Variants in TFDP2 observed in about 807,000 individuals in gnomAD.
TFDP2 encodes transcription factor Dp-2 (E2F dimerization partner 2).
A neutral mutation model predicts 59.3 loss-of-function variants in TFDP2; 17 were observed. That is an observed-to-expected ratio of 0.29 (90% CI 0.20 to 0.43). The LOEUF (loss-of-function observed/expected upper bound fraction) is 0.43, where lower values mean the gene tolerates loss of function less well. Among genes scored for constraint, TFDP2 ranks in the 20% least tolerant of loss-of-function variants. The pLI is 1.00. For missense variants in TFDP2, 391 were observed against 528.8 expected (o/e 0.74, Z 2.56); for synonymous variants, 180 against 194.7 (o/e 0.92, Z 0.63).
At chr3:142,040,429 ATTT>A in intron 3 of TFDP2, among the ~76,000 whole-genome samples, 2 of 146,094 alleles carry the variant, frequency 1.4e-5, no homozygotes, top group East Asian at 4.0e-4. Context: ...ATCTCTACAA[ATTT>A]TTTTTTTTTT....
intron 9 of TFDP2, among the ~76,000 whole-genome samples, chr3:141,968,668 CAT>C (rs1162966426): frequency 7.8e-5 from 8 of 103,198 alleles, no homozygotes; most frequent in East Asian, 5.4e-4. Flanking sequence ...ATATATAACA[CAT>C]ATATATCTCA....
chr3:141,968,419 A>G (rs1279336692), intron 9 of TFDP2, among the ~76,000 whole-genome samples: 9 of 108,570 alleles, frequency 8.3e-5, no homozygotes, highest in Non-Finnish European at 1.4e-4. Context: ...TATAACATAT[A>G]TATCTCATAT....
intron 6 of TFDP2, among the ~76,000 whole-genome samples, chr3:141,991,285 T>C (rs1482932447): frequency 2.0e-5 from 3 of 152,222 alleles, no homozygotes; most frequent in Middle Eastern, 3.2e-3. Context: ...AAATGTATAG[T>C]ATTGTATCTC....
At chr3:141,987,833 G>A (rs942597875) in intron 6 of TFDP2, among the ~76,000 whole-genome samples, 15 of 150,764 alleles carry the variant, frequency 9.9e-5, no homozygotes, top group African/African-American at 3.4e-4. Flanking sequence ...CAGCTACTCC[G>A]AAGGCTGAGG....
intron 1 of TFDP2, among the ~76,000 whole-genome samples, chr3:142,115,228 G>A (rs958478719): frequency 9.9e-5 from 15 of 151,466 alleles, no homozygotes; most frequent in African/African-American, 2.7e-4. Flanking sequence ...GAAAATCTCC[G>A]CATCTGAACA....
intron 1 of TFDP2, among the ~76,000 whole-genome samples, chr3:142,122,538 C>T (rs2062085493): frequency 6.6e-6 from 1 of 152,150 alleles, no homozygotes; most frequent in South Asian, 2.1e-4. Flanking sequence ...CAAGTGAAGG[C>T]AGCAGGATTG....
At chr3:142,042,579 T>G (rs977574018) in intron 3 of TFDP2, among the ~76,000 whole-genome samples, 3 of 151,648 alleles carry the variant, frequency 2.0e-5, no homozygotes, top group African/African-American at 7.3e-5. Flanking sequence ...ATTACAGGTG[T>G]GAGCCACTGT....
At chr3:141,970,182 A>T (rs748240224) in intron 8 of TFDP2, 41 bp from the exon 9 acceptor site, 2 of 1,579,334 alleles carry the variant, frequency 1.3e-6, no homozygotes, top group Non-Finnish European at 1.7e-6. Context: ...ACATAGGTAG[A>T]CTATAAAATA....
intron 3 of TFDP2, chr3:142,054,240 A>C (rs1374394038): frequency 6.6e-6 from 1 of 152,238 alleles, no homozygotes; most frequent in Non-Finnish European, 1.5e-5. Flanking sequence ...GTGAAACAAC[A>C]AAAATGTTCA....
chr3:141,968,309 A>G (rs1938495616), intron 9 of TFDP2, among the ~76,000 whole-genome samples: 1 of 121,674 alleles, frequency 8.2e-6, no homozygotes, highest in African/African-American at 3.0e-5. Flanking sequence ...TATAATATAT[A>G]TAACTATATA....
intron 6 of TFDP2, among the ~76,000 whole-genome samples, chr3:141,987,006 A>AT: frequency 6.6e-6 from 1 of 152,146 alleles, no homozygotes; most frequent in Admixed American, 6.6e-5. Context: ...TGCTAAATTC[A>AT]TTTTTCTCAT....
chr3:142,079,940 A>C (rs1446593171), intron 3 of TFDP2, among the ~76,000 whole-genome samples: 1 of 152,158 alleles, frequency 6.6e-6, no homozygotes, highest in Non-Finnish European at 1.5e-5. Context: ...AGCAATAAGA[A>C]ATCATCTGAA....
intron 3 of TFDP2, among the ~76,000 whole-genome samples, chr3:142,067,193 AAAG>A (rs535778367): frequency 2.4e-4 from 37 of 152,198 alleles, no homozygotes; most frequent in Non-Finnish European, 4.6e-4. Context: ...ATATGTTAGC[AAAG>A]AAGAACTAGA....
At chr3:142,105,067 T>C (rs1440193819) in intron 1 of TFDP2, among the ~76,000 whole-genome samples, 1 of 152,178 alleles carries the variant, frequency 6.6e-6, no homozygotes, top group Non-Finnish European at 1.5e-5. Flanking sequence ...AGAGTTATGT[T>C]AAGAGTTTAT....
intron 2 of TFDP2, among the ~76,000 whole-genome samples, chr3:142,094,305 C>CT (rs34185822): frequency 0.23 from 32,253 of 138,568 alleles, 4,419 homozygotes; most frequent in Admixed American, 0.39. Context: ...TCAAACTGTA[C>CT]TTTTTTTTTT....
Position 141,951,572 on chromosome 3 carries a change from A to C in TFDP2, c.*941T>G, listed in dbSNP as rs1019082214. ...GTAATGACATTTGGTTCATTTTCAC[A>C]AATTGCACACTGGGTGAGATCATAC... On this transcript the variant is annotated 3_prime_UTR_variant, in exon 13 of 13. Coordinates refer to ENST00000489671, the MANE Select transcript of TFDP2 (RefSeq NM_001178139.2). 1 of 152,678 alleles carries C rather than the reference A, an allele frequency of 6.5e-6. No individual in the cohort carries two copies. Among genetic ancestry groups the C allele is most frequent in the Non-Finnish European group, 1.5e-5 (1 of 68,052 alleles). The allele number at this position is 152,678 out of a possible 1,614,324, so 9.5% of individuals were successfully genotyped here.
intron 1 of TFDP2, among the ~76,000 whole-genome samples, chr3:142,118,858 C>G (rs9850614): frequency 6.6e-6 from 1 of 152,026 alleles, no homozygotes; most frequent in African/African-American, 2.4e-5. Context: ...TGGAACAGAA[C>G]TAATATTAAA....
intron 9 of TFDP2, among the ~76,000 whole-genome samples, chr3:141,969,291 CG>C (rs1939341761): frequency 1.7e-5 from 2 of 119,096 alleles, no homozygotes; most frequent in Non-Finnish European, 3.4e-5. Context: ...TATATATAAC[CG>C]GCCTAAATTT....
intron 1 of TFDP2, among the ~76,000 whole-genome samples, chr3:142,116,619 G>A (rs1010546418): frequency 6.6e-6 from 1 of 152,174 alleles, no homozygotes; most frequent in Non-Finnish European, 1.5e-5. Context: ...AAGCCACCCA[G>A]TTTGTGGCAT....
Sources: allele counts gnomAD v4.1 joint callset (sites outside exome capture counted in the v4.1 genomes callset), GRCh38; gene constraint gnomAD v4.1.1; transcripts MANE v1.5; gene names NCBI Gene and HGNC (gene_info 2026-07-23, HGNC 2026-07-21).